UNC13C: variants seen among roughly 807,000 people sequenced by gnomAD.
The protein encoded by UNC13C is protein unc-13 homolog C.
In UNC13C, 174 loss-of-function variants were observed where a neutral mutation model predicts 245.4. The ratio of observed to expected loss-of-function variants is 0.71; its 90% CI spans 0.63 to 0.80. UNC13C has a LOEUF of 0.80. Ranked by LOEUF, UNC13C falls within the 30% of genes least tolerant of loss-of-function variation. The pLI, the probability that UNC13C is intolerant of heterozygous loss-of-function variation, is 0.00. For missense variants in UNC13C, 2,829 were observed against 2,602.9 expected, an observed-to-expected ratio of 1.09 and a Z score of -1.89; for synonymous variants, 992 against 895.1, an observed-to-expected ratio of 1.11 and a Z score of -1.93.
chr15:53,923,116 A>G, the UNC13C span, among the ~76,000 whole-genome samples: 1 of 152,186 alleles, frequency 6.6e-6, no homozygotes, highest in African/African-American at 2.4e-5. Context: ...TACCCTTTCC[A>G]TTCCTTGTTG....
At chr15:54,142,089 G>A (rs1466812495) in intron 2 of UNC13C, among the ~76,000 whole-genome samples, 1 of 152,138 alleles carries the variant, frequency 6.6e-6, no homozygotes, top group African/African-American at 2.4e-5. Flanking sequence ...ATGCTAATAA[G>A]CAAAGATGAA....
At chr15:54,126,829 AC>A (rs1259486869) in intron 2 of UNC13C, among the ~76,000 whole-genome samples, 1 of 152,136 alleles carries the variant, frequency 6.6e-6, no homozygotes, top group East Asian at 1.9e-4. Flanking sequence ...GGGCTAATAC[AC>A]AGAATCTACA....
intron 2 of UNC13C, among the ~76,000 whole-genome samples, chr15:54,073,314 G>C (rs1444572648): frequency 6.6e-6 from 1 of 151,948 alleles, no homozygotes; most frequent in African/African-American, 2.4e-5. Context: ...CAAGTCTTTG[G>C]TATTGTGAAC....
At chr15:54,076,527 A>T (rs1472587860) in intron 2 of UNC13C, among the ~76,000 whole-genome samples, 5 of 152,072 alleles carry the variant, frequency 3.3e-5, no homozygotes, top group African/African-American at 1.2e-4. Flanking sequence ...CCATTTATAA[A>T]TGTGGGAAAC....
intron 4 of UNC13C, among the ~76,000 whole-genome samples, chr15:54,153,120 C>T (rs2032597325): frequency 6.6e-6 from 1 of 152,094 alleles, no homozygotes; most frequent in African/African-American, 2.4e-5. Flanking sequence ...AATCCATATA[C>T]TTTCTTAAAT....
At chr15:54,263,739 G>A (rs1171089830) in intron 8 of UNC13C, among the ~76,000 whole-genome samples, 1 of 152,000 alleles carries the variant, frequency 6.6e-6, no homozygotes, top group East Asian at 1.9e-4. Flanking sequence ...TGATGTGTTT[G>A]AATTATTGCT....
chr15:54,330,044 T>TC (rs2038398566), intron 14 of UNC13C, among the ~76,000 whole-genome samples: 1 of 151,880 alleles, frequency 6.6e-6, no homozygotes. Flanking sequence ...ATGTAGGCAA[T>TC]CCTTTTTTTT....
At chr15:54,128,932 C>G (rs900303179) in intron 2 of UNC13C, among the ~76,000 whole-genome samples, 17 of 152,174 alleles carry the variant, frequency 1.1e-4, no homozygotes, top group Non-Finnish European at 1.8e-4. Flanking sequence ...CTGGGTCATT[C>G]TCTTGCTTAA....
At chr15:54,201,260 A>G (rs970162098) in intron 4 of UNC13C, among the ~76,000 whole-genome samples, 3 of 152,010 alleles carry the variant, frequency 2.0e-5, no homozygotes, top group African/African-American at 4.8e-5. Context: ...AACCAATCCT[A>G]TTGACACTAT....
At chr15:54,125,437 C>T (rs961252743) in intron 2 of UNC13C, among the ~76,000 whole-genome samples, 20 of 151,998 alleles carry the variant, frequency 1.3e-4, no homozygotes, top group African/African-American at 3.6e-4. Context: ...CACTCCAGCC[C>T]GGGCGACAGT....
chr15:54,110,935 G>A (rs1328806506), intron 2 of UNC13C, among the ~76,000 whole-genome samples: 2 of 152,128 alleles, frequency 1.3e-5, no homozygotes, highest in Non-Finnish European at 2.9e-5. Context: ...TTCCTTTAAT[G>A]AGAAATACTT....
intron 2 of UNC13C, among the ~76,000 whole-genome samples, chr15:54,088,162 A>G (rs1404068858): frequency 6.8e-6 from 1 of 146,108 alleles, no homozygotes; most frequent in Non-Finnish European, 1.5e-5. Flanking sequence ...TTCCTAATAC[A>G]TTGGCAAAAA....
Position 54,627,439 on chromosome 15 carries a change from T to C in UNC13C, c.*326T>C. On this transcript the variant is annotated 3_prime_UTR_variant, in exon 33 of 33. Coordinates refer to ENST00000260323, the MANE Select transcript of UNC13C (RefSeq NM_001080534.3). ...TTTGAGTTTGCCCATCAGTTGTCTTTGTTAAATGAGATTATATTGCCCATA... is the reference window on the plus strand; with the variant it reads ...TTTGAGTTTGCCCATCAGTTGTCTTCGTTAAATGAGATTATATTGCCCATA... The C allele has an allele frequency of 5.2e-6, 1 of 191,070 alleles. No individual in the cohort carries two copies. The highest frequency in any genetic ancestry group is 1.4e-4 in the South Asian group (1 of 7,242). 11.8% of individuals were successfully genotyped at this position (191,070 alleles called of 1,614,324 possible).
intron 30 of UNC13C, among the ~76,000 whole-genome samples, chr15:54,619,857 T>C (rs1900684568): frequency 6.6e-6 from 1 of 152,156 alleles, no homozygotes; most frequent in Admixed American, 6.5e-5. Flanking sequence ...TTAACTGTAA[T>C]ACTAGCTATA....
At chr15:54,044,181 C>T (rs188580108) in intron 2 of UNC13C, among the ~76,000 whole-genome samples, 2 of 152,132 alleles carry the variant, frequency 1.3e-5, no homozygotes, top group South Asian at 2.1e-4. Flanking sequence ...TAAGATGTAG[C>T]CTTTTGCATC....
At chr15:53,952,328 T>G in the UNC13C span, among the ~76,000 whole-genome samples, 9 of 152,120 alleles carry the variant, frequency 5.9e-5, no homozygotes, top group African/African-American at 2.2e-4. Flanking sequence ...GAAAAGGAAA[T>G]AGATTCATTC....
At chr15:53,842,041 A>G in the UNC13C span, among the ~76,000 whole-genome samples, 1 of 152,204 alleles carries the variant, frequency 6.6e-6, no homozygotes, top group African/African-American at 2.4e-5. Flanking sequence ...TATTCTGAAC[A>G]TGAGTAAGAA....
At chr15:54,427,403 A>G (rs1162046925) in intron 19 of UNC13C, among the ~76,000 whole-genome samples, 1 of 151,766 alleles carries the variant, frequency 6.6e-6, no homozygotes, top group East Asian at 1.9e-4. Context: ...CATGATTCTG[A>G]GGCTTTCCTC....
chr15:54,401,861 T>C (rs1042095667), intron 18 of UNC13C, among the ~76,000 whole-genome samples: 1 of 152,134 alleles, frequency 6.6e-6, no homozygotes, highest in Non-Finnish European at 1.5e-5. Context: ...CAGCTTTTCT[T>C]GGGTTCCAGT....
Sources: allele counts gnomAD v4.1 joint callset (sites outside exome capture counted in the v4.1 genomes callset), GRCh38; gene constraint gnomAD v4.1.1; transcripts MANE v1.5; gene names NCBI Gene and HGNC (gene_info 2026-07-23, HGNC 2026-07-21).